Variants in NEO1 observed in about 807,000 individuals in gnomAD.
NEO1 encodes neogenin 1.
NEO1 carries 63 observed loss-of-function variants against 159.7 expected under a neutral mutation model. The ratio of observed to expected loss-of-function variants is 0.39; its 90% CI spans 0.32 to 0.49. The LOEUF (loss-of-function observed/expected upper bound fraction) is 0.49, where lower values mean the gene tolerates loss of function less well. Ranked by LOEUF, NEO1 falls within the 20% of genes least tolerant of loss-of-function variation. The pLI is 0.85. For synonymous variants in NEO1, 633 were observed against 662.0 expected (o/e 0.96, Z 0.67); for missense variants, 1,615 against 1,831.0 (o/e 0.88, Z 2.15).
At chr15:73,263,221 TC>T (rs1380058643) in intron 15 of NEO1, among the ~76,000 whole-genome samples, 3 of 142,332 alleles carry the variant, frequency 2.1e-5, no homozygotes, top group African/African-American at 7.7e-5. Context: ...TGAGACAGCA[TC>T]TCACTCTGTT....
At chr15:73,110,517 C>T (rs996405863) in intron 1 of NEO1, among the ~76,000 whole-genome samples, 6 of 151,990 alleles carry the variant, frequency 3.9e-5, no homozygotes, top group African/African-American at 1.2e-4. Flanking sequence ...AGACATGCAC[C>T]GAGGGATATG....
intron 1 of NEO1, among the ~76,000 whole-genome samples, chr15:73,056,776 C>T (rs546384321): frequency 1.1e-3 from 160 of 152,222 alleles, no homozygotes; most frequent in Non-Finnish European, 1.6e-3. Context: ...TGGTCATCCT[C>T]CTGGATATGC....
At chr15:73,216,951 AT>A (rs1269713393) in intron 7 of NEO1, among the ~76,000 whole-genome samples, 1 of 151,278 alleles carries the variant, frequency 6.6e-6, no homozygotes, top group Non-Finnish European at 1.5e-5. Flanking sequence ...CCATTTGTCA[AT>A]TTTGGCTTTT....
intron 5 of NEO1, among the ~76,000 whole-genome samples, chr15:73,172,837 T>A (rs1421000125): frequency 6.6e-6 from 1 of 152,220 alleles, no homozygotes; most frequent in Admixed American, 6.5e-5. Context: ...TGCTTCAGAT[T>A]ACTTTCATTG....
intron 1 of NEO1, among the ~76,000 whole-genome samples, chr15:73,061,792 T>A (rs1388840716): frequency 6.6e-6 from 1 of 152,202 alleles, no homozygotes; most frequent in African/African-American, 2.4e-5. Context: ...ATAACAACAA[T>A]AACAAGTTGG....
At chr15:73,176,873 C>T (rs1199059945) in intron 6 of NEO1, among the ~76,000 whole-genome samples, 1 of 152,152 alleles carries the variant, frequency 6.6e-6, no homozygotes, top group African/African-American at 2.4e-5. Context: ...CATGTGTGTG[C>T]GTGTATGTGT....
chr15:73,260,316 T>A lies in NEO1; in HGVS notation c.2249T>A (p.Leu750His). 6.2e-7 allele frequency: 1 copy of A among 1,614,002 alleles called. No homozygotes were observed. Among genetic ancestry groups the A allele is most frequent in the Non-Finnish European group, 8.5e-7 (1 of 1,179,984 alleles). The change falls in exon 15 of 29, where the codon CTC becomes CAC. Residue 750 changes from leucine (L) to histidine (H), a missense_variant. Leu to His is a moderately conservative substitution (Grantham distance 99). This residue lies in a region of NEO1 where 1,018 missense variants were observed against 1,115.4 expected (regional missense o/e 0.91). Transcript: ENST00000261908. ...EVPSSLHVRP[L>H]VTSIVVSWTP... ...CCTAGCTCTCTTCACGTACGCCCGC[T>A]CGTTACTAGCATCGTAGTGAGCTGG...
intron 1 of NEO1, among the ~76,000 whole-genome samples, chr15:73,104,497 A>G (rs915787467): frequency 2.6e-5 from 4 of 152,172 alleles, no homozygotes; most frequent in African/African-American, 9.7e-5. Flanking sequence ...CTATGGTATA[A>G]TTGTTTTTTA....
intron 5 of NEO1, among the ~76,000 whole-genome samples, chr15:73,138,607 A>G (rs2032025691): frequency 6.6e-6 from 1 of 152,222 alleles, no homozygotes; most frequent in African/African-American, 2.4e-5. Flanking sequence ...ATACAAAAAA[A>G]TTAGCCGGCG....
chr15:73,171,431 G>T (rs1396810805), intron 5 of NEO1, among the ~76,000 whole-genome samples: 2 of 151,686 alleles, frequency 1.3e-5, no homozygotes, highest in African/African-American at 2.4e-5. Flanking sequence ...GGGTGTGGTG[G>T]TGCGTTCCTG....
chr15:73,143,579 C>T (rs2032615805), intron 5 of NEO1: 1 of 152,722 alleles, frequency 6.5e-6, no homozygotes, highest in Non-Finnish European at 1.5e-5. Flanking sequence ...CAGTGGTTCC[C>T]AGGCTCTGCC....
rs775170275 is a variant in NEO1, at chr15:73,178,391, G to A, written c.1255G>A (p.Ala419Thr). 3 of 1,613,832 alleles carry A rather than the reference G, an allele frequency of 1.9e-6. No homozygotes were observed. The highest frequency in any genetic ancestry group is 2.5e-6 in the Non-Finnish European group (3 of 1,179,854). Residue 419 changes from alanine to threonine, a missense_variant, in exon 7 of 29, where the codon GCA becomes ACA. This residue lies in a region of NEO1 where 1,018 missense variants were observed against 1,115.4 expected (regional missense o/e 0.91). Transcript: ENST00000261908. ...CATTGCTGAAAATGATGTTGGAAAT[G>A]CACAAGCTGGAGCCCAACTGATAAT... ...QCIAENDVGN[A>T]QAGAQLIILE...
intron 1 of NEO1, among the ~76,000 whole-genome samples, chr15:73,083,486 G>A (rs553899023): frequency 4.0e-4 from 61 of 152,038 alleles, no homozygotes; most frequent in African/African-American, 1.4e-3. Flanking sequence ...AAGTCGAGTA[G>A]CCCCAGCGTT....
In NEO1 at chr15:73,234,542, G is replaced by A. The variant is rs139426343; in HGVS notation, c.1292-1805G>A. Among the ~76,000 whole-genome samples the A allele has an allele frequency of 6.6e-3, 1,006 of 152,292 alleles. 11 individuals are homozygous for A. The highest frequency in any genetic ancestry group is 0.022 in the South Asian group (104 of 4,824). ...AAACTCTGAAAGCTGTGAATGAGAG[G>A]TATTTATTTCCTCTAAGGCAGTGCA... On this transcript the variant is annotated intron_variant, in intron 7 of 28. Transcript: ENST00000261908.
chr15:73,275,548 C>T (rs528973208), intron 21 of NEO1, among the ~76,000 whole-genome samples: 245 of 151,884 alleles, frequency 1.6e-3, no homozygotes, highest in African/African-American at 5.3e-3. Flanking sequence ...CCAGCTACTC[C>T]GGAGGCTGAG....
chr15:73,166,825 C>A (rs1207024406), intron 5 of NEO1, among the ~76,000 whole-genome samples: 2 of 152,074 alleles, frequency 1.3e-5, no homozygotes, highest in Non-Finnish European at 1.5e-5. Flanking sequence ...TGTGTACATG[C>A]CAACAGATCC....
chr15:73,092,831 A>G (rs1416175026), intron 1 of NEO1, among the ~76,000 whole-genome samples: 1 of 152,186 alleles, frequency 6.6e-6, no homozygotes, highest in African/African-American at 2.4e-5. Flanking sequence ...TTAACATCTT[A>G]TATTAAAATG....
intron 7 of NEO1, among the ~76,000 whole-genome samples, chr15:73,228,777 G>A (rs1477969914): frequency 6.6e-6 from 1 of 152,088 alleles, no homozygotes; most frequent in South Asian, 2.1e-4. Context: ...TATGATGTGA[G>A]TTCATTACTT....
intron 11 of NEO1, among the ~76,000 whole-genome samples, chr15:73,252,157 G>A (rs951202754): frequency 6.6e-6 from 1 of 152,214 alleles, no homozygotes; most frequent in African/African-American, 2.4e-5. Context: ...ACATTCTCTT[G>A]TCTTCCAGAA....
Sources: allele counts gnomAD v4.1 joint callset (sites outside exome capture counted in the v4.1 genomes callset), GRCh38; gene constraint gnomAD v4.1.1; regional missense constraint gnomAD v4.1.1; transcripts MANE v1.5; gene names NCBI Gene and HGNC (gene_info 2026-07-23, HGNC 2026-07-21).